HS6ST3: variants seen among roughly 807,000 people sequenced by gnomAD.
The protein encoded by HS6ST3 is heparan-sulfate 6-O-sulfotransferase 3.
In HS6ST3, 12 loss-of-function variants were observed where a neutral mutation model predicts 36.7. That is an observed-to-expected ratio of 0.33 (90% confidence interval 0.21 to 0.53). The LOEUF (loss-of-function observed/expected upper bound fraction) is 0.53. HS6ST3 is among the 20% of genes least tolerant of loss of function. The pLI is 0.95. For missense variants in HS6ST3, 584 were observed against 640.9 expected (o/e 0.91, Z 0.96); for synonymous variants, 240 against 257.5 (o/e 0.93, Z 0.65).
rs148936350 is a variant in HS6ST3, at chr13:96,731,416, C to T, written c.708-101074C>T. On this transcript the variant is annotated intron_variant, in intron 1 of 1. Transcript: ENST00000376705. Reference sequence around the variant, plus strand: ...GGTTCATCCATGTTGTCGCAAATGACGGGATTTCCTTCTTTTTATGGCTGT... The same window carrying T: ...GGTTCATCCATGTTGTCGCAAATGATGGGATTTCCTTCTTTTTATGGCTGT... Among the ~76,000 whole-genome samples, 379 of 152,218 alleles carry T rather than the reference C, an allele frequency of 2.5e-3. 10 individuals carry two copies. In the South Asian group the frequency reaches 0.031, roughly 12 times the overall value.
intron 1 of HS6ST3, among the ~76,000 whole-genome samples, chr13:96,546,937 G>C (rs1296950955): frequency 6.6e-6 from 1 of 152,156 alleles, no homozygotes; most frequent in African/African-American, 2.4e-5. Flanking sequence ...TGCACCTCTT[G>C]TATTTACCTT....
intron 1 of HS6ST3, among the ~76,000 whole-genome samples, chr13:96,530,860 T>G (rs1228504767): frequency 6.6e-6 from 1 of 151,950 alleles, no homozygotes; most frequent in Admixed American, 6.6e-5. Context: ...AGACACAAAT[T>G]TTAATGTGCA....
chr13:96,374,112 C>T (rs751054256), intron 1 of HS6ST3, among the ~76,000 whole-genome samples: 19 of 152,110 alleles, frequency 1.2e-4, no homozygotes, highest in Non-Finnish European at 1.9e-4. Flanking sequence ...TGTCTTAATG[C>T]TTATTAATCT....
chr13:96,641,219 A>G (rs1688566577), intron 1 of HS6ST3, among the ~76,000 whole-genome samples: 1 of 151,850 alleles, frequency 6.6e-6, no homozygotes, highest in Admixed American at 6.6e-5. Context: ...TTCTTCTTGC[A>G]GATATCTTTC....
At chr13:96,190,455 A>T (rs2054283594) in intron 1 of HS6ST3, among the ~76,000 whole-genome samples, 1 of 151,764 alleles carries the variant, frequency 6.6e-6, no homozygotes, top group Admixed American at 6.6e-5. Context: ...AACTCCTTGC[A>T]CCTCCCCAAA....
intron 1 of HS6ST3, among the ~76,000 whole-genome samples, chr13:96,142,903 TA>T (rs1566892437): frequency 1.3e-5 from 2 of 152,080 alleles, no homozygotes; most frequent in African/African-American, 4.8e-5. Flanking sequence ...GTAATGTCTT[TA>T]AAAAAAGATA....
intron 1 of HS6ST3, among the ~76,000 whole-genome samples, chr13:96,563,670 A>T (rs944318562): frequency 6.6e-6 from 1 of 152,296 alleles, no homozygotes; most frequent in African/African-American, 2.4e-5. Flanking sequence ...GGAGCCTGGG[A>T]TTGTCCTGCA....
chr13:96,596,475 C>T (rs1252604635), intron 1 of HS6ST3, among the ~76,000 whole-genome samples: 2 of 151,950 alleles, frequency 1.3e-5, no homozygotes, highest in Non-Finnish European at 2.9e-5. Context: ...TAGGTAGATA[C>T]CCAGTAGTGG....
intron 1 of HS6ST3, among the ~76,000 whole-genome samples, chr13:96,123,374 A>T (rs2053935418): frequency 6.6e-6 from 1 of 152,332 alleles, no homozygotes; most frequent in East Asian, 1.9e-4. Flanking sequence ...CCATCAACTG[A>T]TGAGTAAAAA....
chr13:96,178,951 T>C (rs2054225606), intron 1 of HS6ST3, among the ~76,000 whole-genome samples: 1 of 152,216 alleles, frequency 6.6e-6, no homozygotes, highest in African/African-American at 2.4e-5. Flanking sequence ...TTGGGCCAAA[T>C]ACTAAGAAAT....
chr13:96,093,365 A>G (rs1011522029), intron 1 of HS6ST3, among the ~76,000 whole-genome samples: 12 of 152,194 alleles, frequency 7.9e-5, no homozygotes, highest in African/African-American at 2.7e-4. Context: ...TGAATAGGTG[A>G]CAAGCAGTAA....
At chr13:96,205,779 A>G (rs1388583446) in intron 1 of HS6ST3, among the ~76,000 whole-genome samples, 2 of 152,114 alleles carry the variant, frequency 1.3e-5, no homozygotes, top group African/African-American at 4.8e-5. Context: ...CATGTTAAAA[A>G]CTCTCAGTAA....
chr13:96,145,256 T>C (rs1002669791), intron 1 of HS6ST3, among the ~76,000 whole-genome samples: 59 of 151,372 alleles, frequency 3.9e-4, no homozygotes, highest in Non-Finnish European at 2.6e-4. Context: ...TTGAACTAGT[T>C]TACAGTCCCA....
At chr13:96,481,077 G>A (rs1236547843) in intron 1 of HS6ST3, among the ~76,000 whole-genome samples, 1 of 152,050 alleles carries the variant, frequency 6.6e-6, no homozygotes, top group African/African-American at 2.4e-5. Context: ...GGTTTTGATA[G>A]AGAATGATAA....
At chr13:96,208,701 G>A (rs1393558800) in intron 1 of HS6ST3, among the ~76,000 whole-genome samples, 13 of 152,236 alleles carry the variant, frequency 8.5e-5, no homozygotes, top group Admixed American at 7.9e-4. Context: ...TGGTTTATCC[G>A]AAACACAATA....
At chr13:96,721,036 C>T (rs1875834975) in intron 1 of HS6ST3, among the ~76,000 whole-genome samples, 1 of 152,066 alleles carries the variant, frequency 6.6e-6, no homozygotes, top group Non-Finnish European at 1.5e-5. Context: ...GAGCAGATAG[C>T]GGGGACCTAG....
intron 1 of HS6ST3, among the ~76,000 whole-genome samples, chr13:96,697,554 C>G (rs1051508050): frequency 6.6e-6 from 1 of 152,044 alleles, no homozygotes; most frequent in African/African-American, 2.4e-5. Flanking sequence ...TAAGAAAACA[C>G]CTATAGCTAG....
chr13:96,475,891 C>T (rs905834483), intron 1 of HS6ST3, among the ~76,000 whole-genome samples: 5 of 152,196 alleles, frequency 3.3e-5, no homozygotes, highest in Non-Finnish European at 7.4e-5. Context: ...ATCCAAGAAC[C>T]CTCACATGGC....
In HS6ST3 at chr13:96,411,219, C is replaced by G. The variant is rs1166080511; in HGVS notation, c.707+319650C>G. Among the ~76,000 whole-genome samples the G allele has an allele frequency of 2.0e-5, 3 of 152,280 alleles. No individual in the cohort carries two copies. The South Asian group carries it at 6.2e-4, about 32-fold the overall frequency. On this transcript the variant is annotated intron_variant, in intron 1 of 1. Coordinates refer to ENST00000376705, the MANE Select transcript of HS6ST3 (RefSeq NM_153456.4). ...ACCTCTTAGCCACCCCCACAGTCCC[C>G]CATTCCATCATGATGGCTTCTGAGT...
Sources: allele counts gnomAD v4.1 joint callset (sites outside exome capture counted in the v4.1 genomes callset), GRCh38; gene constraint gnomAD v4.1.1; transcripts MANE v1.5; gene names NCBI Gene and HGNC (gene_info 2026-07-23, HGNC 2026-07-21).